Variants in PDE4D observed in about 807,000 individuals in gnomAD.
PDE4D encodes the protein 3',5'-cyclic-AMP phosphodiesterase 4D.
In PDE4D, 24 loss-of-function variants were observed where a neutral mutation model predicts 87.4. The ratio of observed to expected loss-of-function variants is 0.27; its 90% CI spans 0.20 to 0.39. PDE4D has a LOEUF of 0.39. PDE4D is among the 10% of genes least tolerant of loss of function. The probability of loss-of-function intolerance (pLI) is 1.00; values close to 1 mark genes in which losing one functional copy is unlikely to be tolerated. For missense variants in PDE4D, 714 were observed against 1,041.0 expected, an observed-to-expected ratio of 0.69 and a Z score of 4.32; for synonymous variants, 384 against 383.2, an observed-to-expected ratio of 1.00 and a Z score of -0.02.
intron 6 of PDE4D, among the ~76,000 whole-genome samples, chr5:58,996,128 G>A (rs781018821): frequency 2.2e-4 from 33 of 152,020 alleles, no homozygotes; most frequent in Non-Finnish European, 4.0e-4. Context: ...TCACACACCA[G>A]GGCCTATGAG....
At chr5:60,333,231 A>G (rs1276922662) in intron 1 of PDE4D, among the ~76,000 whole-genome samples, 1 of 152,212 alleles carries the variant, frequency 6.6e-6, no homozygotes, top group Non-Finnish European at 1.5e-5. Context: ...TACAGATGCA[A>G]ACAGGCTGAA....
intron 10 of PDE4D, 102 bp from the exon 11 acceptor site, chr5:58,988,694 T>C (rs1243525621): frequency 1.0e-5 from 5 of 500,120 alleles, no homozygotes; most frequent in African/African-American, 2.0e-5. Flanking sequence ...GAAAACAAAA[T>C]GAAGCTTCAA....
chr5:59,250,898 T>C (rs187247706), intron 1 of PDE4D, among the ~76,000 whole-genome samples: 53 of 152,234 alleles, frequency 3.5e-4, no homozygotes, highest in African/African-American at 1.2e-3. Context: ...CCATCTGATC[T>C]TCGACAAAGC....
chr5:60,046,536 A>G (rs917970327), intron 2 of PDE4D, among the ~76,000 whole-genome samples: 6 of 151,962 alleles, frequency 3.9e-5, no homozygotes, highest in African/African-American at 9.7e-5. Context: ...TTTGAAATAC[A>G]TCCCATCAAT....
intron 1 of PDE4D, among the ~76,000 whole-genome samples, chr5:60,507,523 T>C (rs1750377289): frequency 6.6e-6 from 1 of 152,236 alleles, no homozygotes; most frequent in Non-Finnish European, 1.5e-5. Flanking sequence ...GAAAGACAAA[T>C]TTGGTATCTG....
chr5:60,340,163 G>A (rs35644384), intron 1 of PDE4D, among the ~76,000 whole-genome samples: 32,174 of 152,218 alleles, frequency 0.21, 3,644 homozygotes, highest in South Asian at 0.39. Context: ...CCCACGGCGC[G>A]ATGTTCAGGG....
chr5:59,413,457 CAAAA>C (rs34074485), intron 1 of PDE4D, among the ~76,000 whole-genome samples: 3 of 54,410 alleles, frequency 5.5e-5, no homozygotes, highest in African/African-American at 8.3e-5. Context: ...GACTCCATCT[CAAAA>C]AAAAAAAAAA....
At chr5:59,123,312 T>C (rs190343294) in intron 5 of PDE4D, among the ~76,000 whole-genome samples, 152 of 152,338 alleles carry the variant, frequency 1.0e-3, no homozygotes, top group African/African-American at 3.5e-3. Context: ...AACGTTTCCA[T>C]GGCATCTTCT....
At chr5:59,330,738 A>G (rs1776574332) in intron 1 of PDE4D, among the ~76,000 whole-genome samples, 1 of 152,186 alleles carries the variant, frequency 6.6e-6, no homozygotes, top group South Asian at 2.1e-4. Context: ...TCATATGTAG[A>G]CTAAATTGAA....
chr5:60,185,449 G>T, intron 2 of PDE4D: 1 of 629,642 alleles, frequency 1.6e-6, no homozygotes, highest in African/African-American at 1.8e-5. Context: ...TTGACTAAAC[G>T]TTTCCCACAA....
intron 1 of PDE4D, among the ~76,000 whole-genome samples, chr5:59,237,128 G>T (rs993268202): frequency 6.6e-6 from 1 of 152,038 alleles, no homozygotes; most frequent in South Asian, 2.1e-4. Flanking sequence ...ACTTTTCAAA[G>T]CTCAACATGT....
At chr5:59,183,065 C>A (rs777531293) in intron 4 of PDE4D, among the ~76,000 whole-genome samples, 3 of 152,194 alleles carry the variant, frequency 2.0e-5, no homozygotes, top group Non-Finnish European at 4.4e-5. Flanking sequence ...GGTTCTGATT[C>A]TCCCAGGGTC....
intron 1 of PDE4D, among the ~76,000 whole-genome samples, chr5:60,362,791 G>T (rs1158129287): frequency 2.0e-5 from 3 of 151,214 alleles, no homozygotes; most frequent in Non-Finnish European, 4.4e-5. Flanking sequence ...CCTGGGAAGT[G>T]AAAGTTGCAG....
At chr5:60,518,049 C>T (rs994259426) in intron 1 of PDE4D, among the ~76,000 whole-genome samples, 1 of 152,240 alleles carries the variant, frequency 6.6e-6, no homozygotes, top group Admixed American at 6.5e-5. Flanking sequence ...CACCACATTC[C>T]CGGGTGCCAG....
chr5:59,771,425 GAA>G (rs1561636423), intron 1 of PDE4D, among the ~76,000 whole-genome samples: 67 of 104,364 alleles, frequency 6.4e-4, no homozygotes, highest in African/African-American at 2.2e-3. Flanking sequence ...AGGAAAGAAA[GAA>G]AAAGAAAAAG....
At chr5:60,069,380 T>C (rs775418924) in intron 2 of PDE4D, among the ~76,000 whole-genome samples, 42 of 152,188 alleles carry the variant, frequency 2.8e-4, no homozygotes, top group Non-Finnish European at 5.7e-4. Context: ...CATCAGTACC[T>C]GTGCCTCAAT....
intron 2 of PDE4D, among the ~76,000 whole-genome samples, chr5:60,105,937 A>G (rs1776849716): frequency 6.6e-6 from 1 of 152,258 alleles, no homozygotes; most frequent in Non-Finnish European, 1.5e-5. Flanking sequence ...TGCTAGGAAG[A>G]GACCGCATCA....
chr5:59,712,143 C>T (rs73758864), intron 1 of PDE4D, among the ~76,000 whole-genome samples: 10,169 of 151,840 alleles, frequency 0.067, 1,052 homozygotes, highest in African/African-American at 0.22. Context: ...AGTATATAAA[C>T]TGATATCAGA....
chr5:60,081,874 T>C (rs1773997427), intron 2 of PDE4D, among the ~76,000 whole-genome samples: 1 of 152,200 alleles, frequency 6.6e-6, no homozygotes, highest in African/African-American at 2.4e-5. Context: ...GGAAAGTGAC[T>C]AACAAAAGTC....
Sources: allele counts gnomAD v4.1 joint callset (sites outside exome capture counted in the v4.1 genomes callset), GRCh38; gene constraint gnomAD v4.1.1; transcripts MANE v1.5; gene names NCBI Gene and HGNC (gene_info 2026-07-23, HGNC 2026-07-21).